The following HERC1 variants were observed in gnomAD, a reference collection of about 807,000 sequenced individuals.
HERC1 encodes HECT and RLD domain containing E3 ubiquitin protein ligase family member 1, also known as probable E3 ubiquitin-protein ligase HERC1.
HERC1 carries 160 observed loss-of-function variants against 554.3 expected under a neutral mutation model. The observed-to-expected ratio is 0.29, with a 90% confidence interval of 0.25 to 0.33. HERC1 has a LOEUF of 0.33. Among genes scored for constraint, HERC1 ranks in the 10% least tolerant of loss-of-function variants. The pLI, the probability that HERC1 is intolerant of heterozygous loss-of-function variation, is 1.00. For missense variants in HERC1, 4,919 were observed against 5,918.5 expected, an observed-to-expected ratio of 0.83 and a Z score of 5.54; for synonymous variants, 2,175 against 2,131.7, an observed-to-expected ratio of 1.02 and a Z score of -0.56.
chr15:63,831,403 T>C (rs1365484939), intron 1 of HERC1, among the ~76,000 whole-genome samples: 2 of 152,202 alleles, frequency 1.3e-5, no homozygotes, highest in Non-Finnish European at 2.9e-5. Flanking sequence ...TACTGTAATC[T>C]GGCCAAAAGT....
chr15:63,741,473 C>T (rs944287483), intron 12 of HERC1, among the ~76,000 whole-genome samples: 4 of 151,814 alleles, frequency 2.6e-5, no homozygotes, highest in South Asian at 4.2e-4. Flanking sequence ...CCACTACACC[C>T]GGCTAATTTT....
intron 70 of HERC1, 138 bp from the exon 71 acceptor site, chr15:63,626,292 A>G (rs1009497231): frequency 1.3e-6 from 1 of 795,730 alleles, no homozygotes; most frequent in Non-Finnish European, 2.0e-6. Flanking sequence ...CCATCGATTC[A>G]TCTTAGTTTG....
intron 34 of HERC1, among the ~76,000 whole-genome samples, chr15:63,684,100 C>T (rs937673825): frequency 5.3e-5 from 8 of 152,136 alleles, no homozygotes; most frequent in Admixed American, 2.6e-4. Context: ...CAGGTATCCA[C>T]GAAAAGAGTG....
At chr15:63,617,606 C>G (rs1355601553) in intron 74 of HERC1, among the ~76,000 whole-genome samples, 2 of 152,202 alleles carry the variant, frequency 1.3e-5, no homozygotes, top group Non-Finnish European at 2.9e-5. Context: ...AATGGTTGAA[C>G]TAGTTTACAG....
Position 63,745,659 on chromosome 15 carries a change from G to C in HERC1, c.2520+1259C>G, listed in dbSNP as rs548551899. Among the ~76,000 whole-genome samples the C allele has an allele frequency of 2.0e-5, 3 of 152,322 alleles. No individual in the cohort carries two copies. The South Asian group carries it at 6.2e-4, about 32-fold the overall frequency. Reference sequence around the variant, plus strand: ...GGAGTGGCACTGCCTATTCAGGACTGTTTTTTCTATCTCTTCAGTGCCTCT... The same window carrying C: ...GGAGTGGCACTGCCTATTCAGGACTCTTTTTTCTATCTCTTCAGTGCCTCT... On this transcript the variant is annotated intron_variant, in intron 12 of 77. Transcript: ENST00000443617.
intron 37 of HERC1, among the ~76,000 whole-genome samples, chr15:63,676,612 C>A (rs780447203): frequency 6.6e-6 from 1 of 151,902 alleles, no homozygotes; most frequent in Non-Finnish European, 1.5e-5. Flanking sequence ...AAAAATTAGC[C>A]GGGCATGATG....
At position 63,672,262 on chromosome 15, in the gene HERC1, G is replaced by C. The variant is rs10152416; in HGVS notation, c.8045+234C>G. Among the ~76,000 whole-genome samples the C allele has an allele frequency of 0.16, 24,506 of 152,142 alleles. 2,309 individuals are homozygous for C. Among genetic ancestry groups the C allele is most frequent in the Middle Eastern group, 0.21 (63 of 294 alleles). ...TGTTAGACTACTTGCTGGTCAGCAC[G>C]ACAGCTGATTAGACCTGGGATCACC... On this transcript the variant is annotated intron_variant, in intron 39 of 77. Transcript: ENST00000443617.
chr15:63,650,983 C>T (rs1444717635), intron 53 of HERC1, among the ~76,000 whole-genome samples: 1 of 152,100 alleles, frequency 6.6e-6, no homozygotes, highest in Non-Finnish European at 1.5e-5. Flanking sequence ...ACTACATCTC[C>T]CCAAACCCTA....
At chr15:63,645,390 C>T in intron 56 of HERC1, 93 bp downstream of exon 56, 1 of 902,168 alleles carries the variant, frequency 1.1e-6, no homozygotes, top group Non-Finnish European at 1.7e-6. Flanking sequence ...TGGCAATAAA[C>T]TCTTTAAGAC....
intron 1 of HERC1, among the ~76,000 whole-genome samples, chr15:63,794,363 T>C (rs2076746600): frequency 1.3e-5 from 2 of 152,212 alleles, no homozygotes; most frequent in Admixed American, 1.3e-4. Flanking sequence ...ACCCAGTCTT[T>C]TTGTGGTTCT....
intron 1 of HERC1, among the ~76,000 whole-genome samples, chr15:63,789,121 C>T (rs1372627957): frequency 2.7e-5 from 3 of 112,594 alleles, no homozygotes; most frequent in Admixed American, 1.1e-4. Flanking sequence ...GACGGAGTCT[C>T]GCTCTGTCGC....
intron 1 of HERC1, chr15:63,779,545 A>G (rs2076218868): frequency 6.6e-6 from 1 of 152,238 alleles, no homozygotes; most frequent in African/African-American, 2.4e-5. Context: ...GTGAACAAAA[A>G]TAAGAAAACA....
At chr15:63,744,331 C>T (rs1295767907) in intron 12 of HERC1, among the ~76,000 whole-genome samples, 1 of 152,130 alleles carries the variant, frequency 6.6e-6, no homozygotes, top group Non-Finnish European at 1.5e-5. Flanking sequence ...CCCAAGCTTG[C>T]CGTAACCACT....
chr15:63,795,106 T>C (rs2076774022), intron 1 of HERC1, among the ~76,000 whole-genome samples: 2 of 150,140 alleles, frequency 1.3e-5, no homozygotes, highest in Non-Finnish European at 1.5e-5. Flanking sequence ...ATAATCATCC[T>C]TTTTCCTACT....
In HERC1 at chr15:63,659,775, T is replaced by C; in HGVS notation, c.9385A>G (p.Thr3129Ala). The part of the protein sequence containing the change: ...DPLGASVAMV[T>A]ATNSMEETLM... ...GTCTCTTCCATACTGTTGGTGGCTG[T>C]GACCATTGCTACTGATGCTCCCAGT... The change falls in exon 47 of 78, where the codon ACA becomes GCA. Residue 3129 changes from threonine (T) to alanine (A), a missense_variant. Thr to Ala is a moderately conservative substitution (Grantham distance 58). Around this residue, in one of 11 missense-constraint regions of HERC1, gnomAD observed 1,963 missense variants for 2,228.6 expected, o/e 0.88. Coordinates refer to ENST00000443617, the MANE Select transcript of HERC1 (RefSeq NM_003922.4). The C allele has an allele frequency of 6.2e-7, 1 of 1,613,974 alleles. No homozygotes were observed. The highest frequency in any genetic ancestry group is 8.5e-7 in the Non-Finnish European group (1 of 1,179,842).
chr15:63,707,295 G>C (rs1049910981), intron 24 of HERC1, among the ~76,000 whole-genome samples: 5 of 152,166 alleles, frequency 3.3e-5, no homozygotes, highest in African/African-American at 9.7e-5. Context: ...CGTACTAACA[G>C]AAAAATAACA....
chr15:63,819,227 T>TA (rs2077601254), intron 1 of HERC1, among the ~76,000 whole-genome samples: 1 of 152,078 alleles, frequency 6.6e-6, no homozygotes, highest in Non-Finnish European at 1.5e-5. Context: ...GTTGCATCAT[T>TA]AAAAAAAGAA....
chr15:63,634,982 T>G (rs2068717047), intron 65 of HERC1, 94 bp from the exon 66 acceptor site: 1 of 833,400 alleles, frequency 1.2e-6, no homozygotes, highest in African/African-American at 1.8e-5. Flanking sequence ...GCAATAAACT[T>G]TACATAAACT....
intron 12 of HERC1, among the ~76,000 whole-genome samples, chr15:63,743,262 TC>T (rs1217416577): frequency 2.4e-4 from 24 of 99,194 alleles, no homozygotes; most frequent in Non-Finnish European, 4.5e-4. Context: ...TTTTTCTTTT[TC>T]TTTTTTTTTT....
Sources: gnomAD v4.1 joint callset for allele counts (sites outside exome capture counted in the v4.1 genomes callset) on GRCh38, gnomAD v4.1.1 for gene constraint, gnomAD v4.1.1 regional missense constraint, MANE v1.5 for transcripts, NCBI Gene and HGNC (gene_info 2026-07-23, HGNC 2026-07-21) for gene names.